NEK7: variants seen among roughly 807,000 people sequenced by gnomAD.
The protein encoded by NEK7 is serine/threonine-protein kinase Nek7.
NEK7 carries 18 observed loss-of-function variants against 44.6 expected under a neutral mutation model. The ratio of observed to expected loss-of-function variants is 0.40; its 90% CI spans 0.28 to 0.60. The LOEUF (loss-of-function observed/expected upper bound fraction) is 0.60. Among genes scored for constraint, NEK7 ranks in the 20% least tolerant of loss-of-function variants. The pLI, the probability that NEK7 is intolerant of heterozygous loss-of-function variation, is 0.38. For missense variants in NEK7, 256 were observed against 366.5 expected (o/e 0.70, Z 2.46); for synonymous variants, 130 against 121.1 (o/e 1.07, Z -0.48).
At chr1:198,181,201 A>G (rs1664756997) in intron 1 of NEK7, among the ~76,000 whole-genome samples, 1 of 152,102 alleles carries the variant, frequency 6.6e-6, no homozygotes, top group African/African-American at 2.4e-5. Flanking sequence ...GGTCAACCAT[A>G]TACTTGACAT....
chr1:198,252,481 CCTT>C (rs1558079020), intron 2 of NEK7, among the ~76,000 whole-genome samples: 1 of 140,176 alleles, frequency 7.1e-6, no homozygotes, highest in African/African-American at 2.6e-5. Flanking sequence ...TATGTTGTAT[CCTT>C]CTTCCTTAAT....
intron 5 of NEK7, among the ~76,000 whole-genome samples, chr1:198,274,438 A>G (rs1190961381): frequency 6.6e-6 from 1 of 151,764 alleles, no homozygotes; most frequent in South Asian, 2.1e-4. Flanking sequence ...TTTCCTGCCC[A>G]TGAAGCTGAC....
intron 1 of NEK7, among the ~76,000 whole-genome samples, chr1:198,186,743 A>G (rs1387539407): frequency 1.3e-5 from 2 of 152,176 alleles, no homozygotes; most frequent in Admixed American, 1.3e-4. Flanking sequence ...CATCCAGTTT[A>G]TCTCATACAA....
At chr1:198,319,259 A>T (rs993352462) in intron 9 of NEK7, among the ~76,000 whole-genome samples, 153 bp from the exon 10 acceptor site, 2 of 152,224 alleles carry the variant, frequency 1.3e-5, no homozygotes, top group Non-Finnish European at 2.9e-5. Flanking sequence ...GATCATTGGC[A>T]GCAGTCTTAT....
chr1:198,183,042 T>C (rs1215458104), intron 1 of NEK7, among the ~76,000 whole-genome samples: 1 of 152,156 alleles, frequency 6.6e-6, no homozygotes, highest in Non-Finnish European at 1.5e-5. Context: ...GAAATTATAA[T>C]AGGATTTCTG....
chr1:198,313,138 A>G (rs1655243639), intron 9 of NEK7, among the ~76,000 whole-genome samples: 2 of 152,144 alleles, frequency 1.3e-5, no homozygotes, highest in East Asian at 1.9e-4. Flanking sequence ...TTGGGTGCAT[A>G]TATATTTGGA....
intron 7 of NEK7, among the ~76,000 whole-genome samples, chr1:198,291,309 ACTGTACCTACCATCCTTC>A (rs890700488): frequency 3.3e-5 from 5 of 152,102 alleles, no homozygotes; most frequent in Admixed American, 6.6e-5. Context: ...TATTATTCCA[ACTGTACCTACCATCCTTC>A]CTTAAATGGA....
At chr1:198,258,327 T>C (rs1653344074) in intron 3 of NEK7, among the ~76,000 whole-genome samples, 1 of 152,104 alleles carries the variant, frequency 6.6e-6, no homozygotes, top group East Asian at 1.9e-4. Context: ...TAGTCCCAGC[T>C]ACCTGGGAGG....
At chr1:198,161,788 A>G (rs931746400) in intron 1 of NEK7, among the ~76,000 whole-genome samples, 2 of 152,134 alleles carry the variant, frequency 1.3e-5, no homozygotes, top group African/African-American at 2.4e-5. Flanking sequence ...CTAAAGCGAC[A>G]TAGAATCTAA....
chr1:198,212,036 G>A (rs572813769), intron 1 of NEK7, among the ~76,000 whole-genome samples: 1 of 152,330 alleles, frequency 6.6e-6, no homozygotes, highest in Non-Finnish European at 1.5e-5. Flanking sequence ...GAGAAGGAAA[G>A]GCATTCGGAT....
intron 3 of NEK7, among the ~76,000 whole-genome samples, chr1:198,260,762 A>T (rs181470549): frequency 5.8e-4 from 88 of 152,154 alleles, no homozygotes; most frequent in African/African-American, 1.9e-3. Context: ...TGAAGTTTTC[A>T]TTAGAAGTAG....
intron 1 of NEK7, among the ~76,000 whole-genome samples, chr1:198,191,229 T>G (rs1488285510): frequency 6.6e-6 from 1 of 152,048 alleles, no homozygotes; most frequent in Non-Finnish European, 1.5e-5. Context: ...GAGTATATAC[T>G]AGGAGAAGAA....
intron 2 of NEK7, among the ~76,000 whole-genome samples, chr1:198,248,290 A>G (rs1666891900): frequency 6.6e-6 from 1 of 152,222 alleles, no homozygotes; most frequent in African/African-American, 2.4e-5. Context: ...AGCAATAGAC[A>G]GTGTCTGACT....
At chr1:198,169,942 C>A (rs1264032258) in intron 1 of NEK7, among the ~76,000 whole-genome samples, 2 of 152,006 alleles carry the variant, frequency 1.3e-5, no homozygotes, top group Admixed American at 6.6e-5. Context: ...TGGCAGATGA[C>A]TGCTTCCCAG....
intron 2 of NEK7, among the ~76,000 whole-genome samples, chr1:198,244,607 T>G (rs1405326080): frequency 6.6e-6 from 1 of 152,106 alleles, no homozygotes; most frequent in East Asian, 1.9e-4. Flanking sequence ...CGTGTTAATG[T>G]GATTAGAGTG....
At chr1:198,247,256 A>AT (rs1249522214) in intron 2 of NEK7, among the ~76,000 whole-genome samples, 4 of 151,768 alleles carry the variant, frequency 2.6e-5, no homozygotes, top group African/African-American at 9.7e-5. Context: ...TTTCTATTCC[A>AT]TTTTTGTCTT....
Position 198,179,801 on chromosome 1 carries a change from GTGTGTGTGTGTGTATGTA to G in NEK7, c.-29+22539_-29+22556del, listed in dbSNP as rs1185551575. On this transcript the variant is annotated intron_variant, in intron 1 of 9. Transcript: ENST00000367385. ...GAAGAACCTACAGTTACACAGGAGTGTGTGTGTGTGTGTATGTATGTGTGTGTGTGTGTATGTGTGCAG... is the reference window on the plus strand; with the variant it reads ...GAAGAACCTACAGTTACACAGGAGTGTGTGTGTGTGTGTGTATGTGTGCAG... 8.9e-5 allele frequency among the ~76,000 whole-genome samples: 4 copies of G among 44,788 alleles called. No individual in the cohort carries two copies. The Admixed American group carries it at 1.4e-3, about 16-fold the overall frequency. 29.4% of individuals were successfully genotyped at this position (44,788 alleles called of 152,430 possible).
Position 198,217,940 on chromosome 1 carries a change from A to G in NEK7, c.-28-14613A>G, listed in dbSNP as rs150987266. On this transcript the variant is annotated intron_variant, in intron 1 of 9. Transcript: ENST00000367385. ...GCAAAACACTGCTGAAATAAATAAA[A>G]CAAATGGAAATACATCCCATGCTCA... 4.8e-4 allele frequency among the ~76,000 whole-genome samples: 73 copies of G among 152,172 alleles called. 3 individuals carry two copies. In the East Asian group the frequency reaches 0.012, roughly 26 times the overall value.
rs906507976 is a variant in NEK7, at chr1:198,311,464, C to T, written c.799-7948C>T. On this transcript the variant is annotated intron_variant, in intron 9 of 9. Transcript: ENST00000367385. ...TGCCTAATTGCCCTGGCCAGTGCTT[C>T]CAACACTATGTTGAATAGGAGTGGT... 1.0e-3 allele frequency among the ~76,000 whole-genome samples: 156 copies of T among 151,726 alleles called. 1 individual carries two copies. Among genetic ancestry groups the T allele is most frequent in the Middle Eastern group, 0.01 (3 of 292 alleles).
Sources: allele counts gnomAD v4.1 joint callset (sites outside exome capture counted in the v4.1 genomes callset), GRCh38; gene constraint gnomAD v4.1.1; transcripts MANE v1.5; gene names NCBI Gene and HGNC (gene_info 2026-07-23, HGNC 2026-07-21).